CCDC14: variants seen among roughly 807,000 people sequenced by gnomAD.
The protein encoded by CCDC14 is coiled-coil domain-containing protein 14.
In CCDC14, 71 loss-of-function variants were observed where a neutral mutation model predicts 81.4. The ratio of observed to expected loss-of-function variants is 0.87; its 90% CI spans 0.72 to 1.06. The LOEUF (loss-of-function observed/expected upper bound fraction) is 1.06, where lower values mean the gene tolerates loss of function less well. CCDC14 is among the 50% of genes least tolerant of loss of function. CCDC14 has a pLI of 0.00. For missense variants in CCDC14, 1,046 were observed against 1,047.3 expected (o/e 1.00, Z 0.02); for synonymous variants, 332 against 364.8 (o/e 0.91, Z 1.03).
chr3:123,904,270 C>G (rs1446808523), intron 5 of CCDC14, among the ~76,000 whole-genome samples: 1 of 151,910 alleles, frequency 6.6e-6, no homozygotes, highest in African/African-American at 2.4e-5. Context: ...GAAACAACGA[C>G]CAGCTATCTC....
Position 123,915,122 on chromosome 3 carries a change from T to A in CCDC14, c.2375A>T (p.Asp792Val). ...TGCTCTGGAAAGTTTTTCAGGTGCA[T>A]CTTCTGCTTCCTTTGTTGAAGAGGA... Reference protein sequence around the residue: ...ICSSSTKEAEDAPEKLSRASD... With the variant: ...ICSSSTKEAEVAPEKLSRASD... Residue 792 changes from aspartate (D) to valine (V), a missense_variant, in exon 13 of 13, where the codon GAT becomes GTT. By Grantham distance (152) the Asp-to-Val change is radical (BLOSUM62 -3). Transcript: ENST00000409697. The A allele has an allele frequency of 6.2e-7, 1 of 1,613,946 alleles. No individual in the cohort carries two copies. Among genetic ancestry groups the A allele is most frequent in the South Asian group, 1.1e-5 (1 of 91,062 alleles).
At chr3:123,894,214 GAA>G (rs1577192018), downstream of CCDC14, among the ~76,000 whole-genome samples, 1 of 152,096 alleles carries the variant, frequency 6.6e-6, no homozygotes, top group East Asian at 1.9e-4. Context: ...ACCATTTGTT[GAA>G]AAGACTGTTG....
At chr3:123,945,053 G>T in intron 8 of CCDC14, 63 bp from the exon 9 acceptor site, 1 of 1,089,784 alleles carries the variant, frequency 9.2e-7, no homozygotes, top group Non-Finnish European at 1.3e-6. Flanking sequence ...TTATTAGTAT[G>T]TATTACTAAA....
chr3:123,959,248 T>C (rs569189263), intron 1 of CCDC14, among the ~76,000 whole-genome samples: 1 of 152,334 alleles, frequency 6.6e-6, no homozygotes, highest in African/African-American at 2.4e-5. Context: ...CCATTTTACA[T>C]TCCCACTGAC....
chr3:123,939,928 A>G (rs544410877), intron 9 of CCDC14, among the ~76,000 whole-genome samples: 11 of 152,096 alleles, frequency 7.2e-5, no homozygotes, highest in Admixed American at 3.9e-4. Flanking sequence ...TTTGGCACAG[A>G]TAGTGGTAAT....
Position 123,914,516 on chromosome 3 carries a change from TTGC to T in CCDC14, c.*260_*262del. 1 of 1,084,710 alleles carries T rather than the reference TTGC, an allele frequency of 9.2e-7. No individual in the cohort carries two copies. Among genetic ancestry groups the T allele is most frequent in the East Asian group, 6.4e-5 (1 of 15,696 alleles). 67.2% of individuals were successfully genotyped at this position (1,084,710 alleles called of 1,614,324 possible). ...ATACATCTTAATAAAAGAACTCTAA[TTGC>T]TAAGTACTGAAATAAAACATTACTT... is the stretch of plus-strand genomic sequence containing the variant. On this transcript the variant is annotated 3_prime_UTR_variant, in exon 13 of 13. Transcript: ENST00000409697.
chr3:123,910,477 G>A (rs1037513895), downstream of CCDC14, among the ~76,000 whole-genome samples: 9 of 151,984 alleles, frequency 5.9e-5, no homozygotes, highest in African/African-American at 2.2e-4. Context: ...ACTGTACAGT[G>A]CCCTGCAGTT....
intron 12 of CCDC14, among the ~76,000 whole-genome samples, chr3:123,928,326 T>G (rs1577257595): frequency 2.6e-5 from 3 of 114,486 alleles, no homozygotes; most frequent in Non-Finnish European, 1.7e-5. Context: ...TGAAACCCAG[T>G]CTCTACTAAA....
At chr3:123,952,785 T>C (rs2037094417) in intron 5 of CCDC14, 1 of 256,954 alleles carries the variant, frequency 3.9e-6, no homozygotes, top group Non-Finnish European at 9.2e-6. Flanking sequence ...TCTTTATGAT[T>C]ACTTCACTTG....
chr3:123,924,396 T>C (rs899339287), intron 12 of CCDC14, among the ~76,000 whole-genome samples: 7 of 152,096 alleles, frequency 4.6e-5, no homozygotes, highest in Non-Finnish European at 1.0e-4. Flanking sequence ...TTTTTAGATA[T>C]GACCTTGAAA....
At chr3:123,939,823 A>G (rs1431340067) in intron 9 of CCDC14, among the ~76,000 whole-genome samples, 1 of 151,834 alleles carries the variant, frequency 6.6e-6, no homozygotes, top group Non-Finnish European at 1.5e-5. Flanking sequence ...AGAGACAAAA[A>G]CAACAAAAAA....
At chr3:123,910,501 C>A (rs561030363), downstream of CCDC14, among the ~76,000 whole-genome samples, 13 of 151,860 alleles carry the variant, frequency 8.6e-5, no homozygotes, top group Non-Finnish European at 1.6e-4. Flanking sequence ...CAGTGCTTTG[C>A]TTACGTTCAT....
chr3:123,946,917 C>T lies in CCDC14; in HGVS notation c.1087G>A (p.Asp363Asn), dbSNP rs775491677. ...ERKDLNIHVR[D>N]TKTVKDVQKA... is the part of the protein sequence containing the mutation. The stretch of plus-strand genomic sequence containing the variant: ...TGTACATCCTTCACTGTTTTTGTAT[C>T]TCGCACATGTATGTTTAAATCCTTT... The change falls in exon 8 of 13, where the codon GAT (aspartate) becomes AAT (asparagine). Residue 363 changes from aspartate (D) to asparagine (N), a missense_variant. Asp to Asn is a conservative substitution (Grantham distance 23). Coordinates refer to ENST00000409697, the MANE Select transcript of CCDC14 (RefSeq NM_001366335.1). The T allele has an allele frequency of 6.2e-7, 1 of 1,613,910 alleles. No individual in the cohort carries two copies. Among genetic ancestry groups the T allele is most frequent in the South Asian group, 1.1e-5 (1 of 91,082 alleles).
rs574798898 is a variant in CCDC14, at chr3:123,926,489, CT to C, written c.1778+4612del. 6.8e-4 allele frequency among the ~76,000 whole-genome samples: 101 copies of C among 149,186 alleles called. 4 individuals carry two copies. The South Asian group carries it at 0.02, about 29-fold the overall frequency. On this transcript the variant is annotated intron_variant, in intron 12 of 12. Coordinates refer to ENST00000409697, the MANE Select transcript of CCDC14 (RefSeq NM_001366335.1). ...ATAACTATGAGTACTTGTAAGAATGCTCTTTGAAACTATTCACTATTTACTT... is the reference window on the plus strand; with the variant it reads ...ATAACTATGAGTACTTGTAAGAATGCCTTTGAAACTATTCACTATTTACTT...
chr3:123,903,786 C>A (rs1376700078), intron 5 of CCDC14, among the ~76,000 whole-genome samples: 6 of 91,674 alleles, frequency 6.5e-5, no homozygotes, highest in East Asian at 3.0e-4. Flanking sequence ...ATCTGACAGA[C>A]AAAATGTAGG....
Position 123,913,470 on chromosome 3 carries a change from A to C in CCDC14, c.*1309T>G, listed in dbSNP as rs1169807459. The C allele has an allele frequency of 1.0e-6, 1 of 980,692 alleles. No individual in the cohort carries two copies. Among genetic ancestry groups the C allele is most frequent in the African/African-American group, 1.8e-5 (1 of 57,094 alleles). The allele number at this position is 980,692 out of a possible 1,614,324, so 60.7% of individuals were successfully genotyped here. On this transcript the variant is annotated 3_prime_UTR_variant, in exon 13 of 13. Transcript: ENST00000409697. ...TTATTTCTGAACTTATTTGTTAAAG[A>C]GTTGTGGCCTATTACCTCCAAATAA... is the stretch of plus-strand genomic sequence containing the variant.
At chr3:123,942,815 G>A (rs1217227981) in intron 9 of CCDC14, among the ~76,000 whole-genome samples, 1 of 151,994 alleles carries the variant, frequency 6.6e-6, no homozygotes, top group Non-Finnish European at 1.5e-5. Context: ...AGATATTATT[G>A]CTAATATGTG....
chr3:123,947,786 A>T (rs986468144), intron 7 of CCDC14, among the ~76,000 whole-genome samples: 3 of 152,036 alleles, frequency 2.0e-5, no homozygotes, highest in African/African-American at 7.2e-5. Context: ...TTTAAGCTAA[A>T]AATATTAGTA....
chr3:123,943,270 T>C (rs2036456059), intron 9 of CCDC14, among the ~76,000 whole-genome samples: 1 of 152,020 alleles, frequency 6.6e-6, no homozygotes, highest in Admixed American at 6.6e-5. Context: ...CTTTTGTCCC[T>C]GGTTCCTGAA....
Sources: allele counts gnomAD v4.1 joint callset (sites outside exome capture counted in the v4.1 genomes callset), GRCh38; gene constraint gnomAD v4.1.1; transcripts MANE v1.5; gene names NCBI Gene and HGNC (gene_info 2026-07-23, HGNC 2026-07-21).